The following USP7 variants were observed in gnomAD, a reference collection of about 807,000 sequenced individuals.
USP7 encodes ubiquitin specific peptidase 7.
A neutral mutation model predicts 162.9 loss-of-function variants in USP7; 9 were observed. The ratio of observed to expected loss-of-function variants is 0.06; its 90% confidence interval spans 0.03 to 0.10. USP7 has a LOEUF of 0.10. USP7 is among the 10% of genes least tolerant of loss of function. USP7 has a pLI of 1.00. For missense variants in USP7, 715 were observed against 1,373.7 expected, an observed-to-expected ratio of 0.52 and a Z score of 7.58; for synonymous variants, 562 against 475.9, an observed-to-expected ratio of 1.18 and a Z score of -2.35.
chr16:8,946,109 A>G (rs1174598512), intron 1 of USP7, among the ~76,000 whole-genome samples: 1 of 152,206 alleles, frequency 6.6e-6, no homozygotes, highest in Non-Finnish European at 1.5e-5. Flanking sequence ...TGGACTCTAC[A>G]GCCCCTCCCC....
rs1258228689 is a variant in USP7, at chr16:8,892,132, G to C, written c.*1866C>G. ...GAGTCATTTAATACCTTAAGGGAGA[G>C]TAGGAACTTTCAGTTACCTAAGACT... On this transcript the variant is annotated 3_prime_UTR_variant, in exon 31 of 31. Coordinates refer to ENST00000344836, the MANE Select transcript of USP7 (RefSeq NM_003470.3). The C allele has an allele frequency of 1.3e-5, 2 of 152,212 alleles. No homozygotes were observed. The highest frequency in any genetic ancestry group is 2.4e-5 in the African/African-American group (1 of 41,454). 9.4% of individuals were successfully genotyped at this position (152,212 alleles called of 1,614,324 possible). A position where few individuals can be genotyped will look rare whatever the true frequency, so the allele number is the denominator to read the frequency against.
intron 1 of USP7, among the ~76,000 whole-genome samples, chr16:8,936,323 C>T (rs2141242393): frequency 6.6e-6 from 1 of 152,282 alleles, no homozygotes; most frequent in South Asian, 2.1e-4. Context: ...ATCAGTTCAC[C>T]TTGAACTCCC....
chr16:8,899,429 T>A (rs570110655), intron 22 of USP7, 175 bp downstream of exon 22: 2 of 897,698 alleles, frequency 2.2e-6, no homozygotes, highest in South Asian at 1.8e-5. Flanking sequence ...TCTTTTCTGA[T>A]GGCGATTATT....
At position 8,903,275 on chromosome 16, in the gene USP7, T is replaced by G; in HGVS notation, c.1832A>C (p.Gln611Pro). Residue 611 changes from glutamine to proline, a missense_variant, in exon 16 of 31, where the codon CAG becomes CCG. Coordinates refer to ENST00000344836, the MANE Select transcript of USP7 (RefSeq NM_003470.3). ...SLAEFVQSLS[Q>P]TMGFPQDQIR... ...CACGGGACCGGTACGCACCATGGTC[T>G]GAGAGAGGCTCTGAACAAACTCAGC... 6.2e-7 allele frequency: 1 copy of G among 1,613,734 alleles called. No individual in the cohort carries two copies. The highest frequency in any genetic ancestry group is 8.5e-7 in the Non-Finnish European group (1 of 1,179,864).
intron 10 of USP7, among the ~76,000 whole-genome samples, chr16:8,913,390 G>A (rs1356277760): frequency 6.6e-6 from 1 of 151,980 alleles, no homozygotes; most frequent in African/African-American, 2.4e-5. Context: ...CAGGAGAGAA[G>A]AGAAGTGAAG....
intron 1 of USP7, among the ~76,000 whole-genome samples, chr16:8,940,166 A>C (rs902288865): frequency 9.2e-5 from 14 of 152,152 alleles, no homozygotes; most frequent in Admixed American, 6.6e-5. Flanking sequence ...TGCTCTCACA[A>C]ACAGCTCTGT....
intron 26 of USP7, 114 bp from the exon 27 acceptor site, chr16:8,895,855 T>C (rs74345065): frequency 1.8e-6 from 1 of 543,326 alleles, no homozygotes; most frequent in Non-Finnish European, 3.0e-6. Flanking sequence ...TTTTTTTTTT[T>C]TGAGACAGTC....
chr16:8,910,626 A>T, intron 11 of USP7, 119 bp downstream of exon 11: 1 of 846,702 alleles, frequency 1.2e-6, no homozygotes, highest in Non-Finnish European at 1.9e-6. Context: ...GAATCCTTGT[A>T]TATTCTAAAT....
Position 8,892,991 on chromosome 16 carries a change from G to A in USP7, c.*1007C>T, listed in dbSNP as rs1022000663. On this transcript the variant is annotated 3_prime_UTR_variant, in exon 31 of 31. Transcript: ENST00000344836. ...AATAAAAGGAAACGGGGCTGGGACC[G>A]AAATAAAACTACACACAATGAATAT... The A allele has an allele frequency of 2.0e-5, 3 of 152,266 alleles. No individual in the cohort carries two copies. The highest frequency in any genetic ancestry group is 1.9e-4 in the East Asian group (1 of 5,192). The allele number at this position is 152,266 out of a possible 1,614,324, so 9.4% of individuals were successfully genotyped here.
chr16:8,918,068 G>A (rs972726300), intron 6 of USP7, among the ~76,000 whole-genome samples: 1 of 152,072 alleles, frequency 6.6e-6, no homozygotes, highest in Admixed American at 6.5e-5. Context: ...GGAATTACAG[G>A]CATGAGCCAC....
intron 11 of USP7, among the ~76,000 whole-genome samples, chr16:8,909,485 A>T (rs771341350): frequency 3.3e-5 from 5 of 152,232 alleles, no homozygotes; most frequent in Non-Finnish European, 5.9e-5. Flanking sequence ...ACAGTCTGAA[A>T]GATAAAAGGA....
chr16:8,901,050 C>T lies in USP7; in HGVS notation c.2148G>A (p.Leu716=). 2 of 1,614,050 alleles carry T rather than the reference C, an allele frequency of 1.2e-6. No individual in the cohort carries two copies. Among genetic ancestry groups the T allele is most frequent in the Non-Finnish European group, 1.7e-6 (2 of 1,179,982 alleles). The part of the protein sequence containing the change: ...YTPISCKIRD[L]LPVMCDRAGF... ...CTGCTCTGTCACACATAACTGGGAG[C>T]AAGTCACCTAGGAGAAAGAAGATAT... The change falls in exon 20 of 31, where the codon TTG becomes TTA. Residue 716 remains leucine, a synonymous_variant. Coordinates refer to ENST00000344836, the MANE Select transcript of USP7 (RefSeq NM_003470.3).
At chr16:8,917,994 G>A (rs1567222877) in intron 6 of USP7, among the ~76,000 whole-genome samples, 2 of 151,454 alleles carry the variant, frequency 1.3e-5, no homozygotes, top group African/African-American at 4.9e-5. Flanking sequence ...GTTTCACCAT[G>A]TTAGCCAGGA....
intron 16 of USP7, among the ~76,000 whole-genome samples, chr16:8,903,015 G>A (rs1403412440): frequency 6.6e-6 from 1 of 152,222 alleles, no homozygotes; most frequent in African/African-American, 2.4e-5. Context: ...TGCAGGGAGT[G>A]GAGTGGGAGA....
intron 1 of USP7, among the ~76,000 whole-genome samples, chr16:8,938,102 A>AC (rs1414737104): frequency 6.6e-6 from 1 of 152,150 alleles, no homozygotes; most frequent in African/African-American, 2.4e-5. Flanking sequence ...TGGCAAAGGC[A>AC]CTGCCACAAG....
chr16:8,897,368 C>T (rs2061699322), intron 25 of USP7: 1 of 417,902 alleles, frequency 2.4e-6, no homozygotes, highest in African/African-American at 2.0e-5. Context: ...AACACCTTCT[C>T]AGGAAATGGT....
At chr16:8,932,322 C>A (rs1542540) in intron 1 of USP7, among the ~76,000 whole-genome samples, 1 of 152,226 alleles carries the variant, frequency 6.6e-6, no homozygotes, top group Non-Finnish European at 1.5e-5. Context: ...TCCTAGCACT[C>A]TGGGAGGCAA....
At chr16:8,928,747 G>C (rs990055580) in intron 2 of USP7, among the ~76,000 whole-genome samples, 2 of 152,192 alleles carry the variant, frequency 1.3e-5, no homozygotes, top group Non-Finnish European at 1.5e-5. Flanking sequence ...CATCAAGGAG[G>C]TCACAAGAAG....
intron 1 of USP7, among the ~76,000 whole-genome samples, chr16:8,934,327 C>A (rs564226520): frequency 3.9e-5 from 6 of 152,286 alleles, no homozygotes; most frequent in African/African-American, 1.4e-4. Flanking sequence ...TGAAATCAGA[C>A]TGAGACACAA....
Sources: allele counts gnomAD v4.1 joint callset (sites outside exome capture counted in the v4.1 genomes callset), GRCh38; gene constraint gnomAD v4.1.1; transcripts MANE v1.5; gene names NCBI Gene and HGNC (gene_info 2026-07-23, HGNC 2026-07-21).